BBS1: variants seen among roughly 807,000 people sequenced by gnomAD.
BBS1 encodes the protein BBSome complex member BBS1.
A neutral mutation model predicts 73.9 loss-of-function variants in BBS1; 60 were observed. The observed-to-expected ratio is 0.81, with a 90% confidence interval of 0.66 to 1.01. The LOEUF (loss-of-function observed/expected upper bound fraction) is 1.01. Among genes scored for constraint, BBS1 ranks in the 50% least tolerant of loss-of-function variants. The pLI is 0.00. For missense variants in BBS1, 718 were observed against 770.3 expected (o/e 0.93, Z 0.80); for synonymous variants, 283 against 317.4 (o/e 0.89, Z 1.15).
chr11:66,514,453 G>T lies in BBS1; in HGVS notation c.207G>T (p.Lys69Asn). ...LGPGGQQPRL[K>N]VLKGPLVMTE... Reference sequence around the variant, plus strand: ...CTGGTGGGCAGCAGCCCCGCCTGAAGGTGCTCAAAGGACCACTGGTGATGA... The same window carrying T: ...CTGGTGGGCAGCAGCCCCGCCTGAATGTGCTCAAAGGACCACTGGTGATGA... Residue 69 changes from lysine to asparagine, a missense_variant, in exon 4 of 17, where the codon AAG becomes AAT. By Grantham distance (94) the Lys-to-Asn change is moderately conservative. Coordinates refer to ENST00000318312, the MANE Select transcript of BBS1 (RefSeq NM_024649.5). 2 of 1,614,174 alleles carry T rather than the reference G, an allele frequency of 1.2e-6. No individual in the cohort carries two copies. The highest frequency in any genetic ancestry group is 2.2e-5 in the South Asian group (2 of 91,084).
intron 3 of BBS1, among the ~76,000 whole-genome samples, chr11:66,512,728 T>C (rs1855977906): frequency 6.6e-6 from 1 of 151,924 alleles, no homozygotes; most frequent in South Asian, 2.1e-4. Flanking sequence ...CCCAGCACTT[T>C]AGGAGGAGGC....
intron 11 of BBS1, 95 bp downstream of exon 11, chr11:66,523,977 C>A: frequency 1.3e-6 from 2 of 1,552,970 alleles, no homozygotes; most frequent in Non-Finnish European, 1.8e-6. Flanking sequence ...CACATTGATG[C>A]ATTTCAAAAA....
chr11:66,512,756 G>A (rs1374360370), intron 3 of BBS1, among the ~76,000 whole-genome samples: 2 of 151,992 alleles, frequency 1.3e-5, no homozygotes, highest in African/African-American at 4.8e-5. Context: ...GGTGGATCAC[G>A]AGGTCAGGAG....
At chr11:66,514,787 A>AG in intron 4 of BBS1, 109 bp downstream of exon 4, 4 of 1,307,930 alleles carry the variant, frequency 3.1e-6, no homozygotes, top group Non-Finnish European at 4.3e-6. Context: ...GAGGTCAGCT[A>AG]TAGTCCATCT....
rs1856807422 is a variant in BBS1 at position 66,532,038 on chromosome 11, G to A, written c.*1G>A. The stretch of plus-strand genomic sequence containing the variant: ...GAGCGAGGGGCTGGCGGCCGCCTGA[G>A]ACCTGAGCTGCTGTGAAAGCCCCTG... On this transcript the variant is annotated 3_prime_UTR_variant, in exon 17 of 17. Transcript: ENST00000318312. 1 of 1,601,082 alleles carries A rather than the reference G, an allele frequency of 6.2e-7. No individual in the cohort carries two copies. The highest frequency in any genetic ancestry group is 8.5e-7 in the Non-Finnish European group (1 of 1,174,836).
In BBS1 at chr11:66,526,764, G is replaced by A; in HGVS notation, c.1296G>A (p.Arg432=). Residue 432 remains arginine, a synonymous_variant, in exon 13 of 17, where the codon CGG becomes CGA. Coordinates refer to ENST00000318312, the MANE Select transcript of BBS1 (RefSeq NM_024649.5). ...AMKLNVPRKT[R]LYVDQTLRER... ...AACTCAATGTGCCCCGAAAGACCCG[G>A]CTTTACGTGGATCAGACACTGCGAG... The A allele has an allele frequency of 6.2e-7, 1 of 1,614,232 alleles. No individual in the cohort carries two copies. Among genetic ancestry groups the A allele is most frequent in the Non-Finnish European group, 8.5e-7 (1 of 1,180,032 alleles).
chr11:66,513,378 C>T (rs990167102), intron 3 of BBS1, among the ~76,000 whole-genome samples: 3 of 152,122 alleles, frequency 2.0e-5, no homozygotes, highest in Admixed American at 6.6e-5. Context: ...ATAACTACCA[C>T]ATAAAATAGT....
rs183925461 is a variant in BBS1, at chr11:66,521,316, T to A, written c.770T>A (p.Phe257Tyr). ...GTCTTCCTAGAGGTTTCTGGCCAGT[T>A]TGATGTTGAGTTCCGGCTTGCCGCG... ...VPVFLEVSGQ[F>Y]DVEFRLAAAC... The change falls in exon 9 of 17, where the codon TTT becomes TAT. Residue 257 changes from phenylalanine to tyrosine, a missense_variant. Coordinates refer to ENST00000318312, the MANE Select transcript of BBS1 (RefSeq NM_024649.5). 6.2e-7 allele frequency: 1 copy of A among 1,614,252 alleles called. No homozygotes were observed. Among genetic ancestry groups the A allele is most frequent in the African/African-American group, 1.3e-5 (1 of 75,076 alleles).
chr11:66,531,909 CA>C (rs1856800148), intron 16 of BBS1, 41 bp from the exon 17 acceptor site: 1 of 1,570,310 alleles, frequency 6.4e-7, no homozygotes, highest in South Asian at 1.2e-5. Flanking sequence ...GGCAAGGGGT[CA>C]GGGGTGTATG....
chr11:66,523,962 G>T (rs1856369431), intron 11 of BBS1, 80 bp downstream of exon 11: 1 of 1,575,366 alleles, frequency 6.3e-7, no homozygotes, highest in South Asian at 1.1e-5. Context: ...TGCCTCTTCC[G>T]ACCACACATT....
intron 9 of BBS1, 122 bp downstream of exon 9, chr11:66,521,498 T>G: frequency 1.3e-6 from 1 of 795,422 alleles, no homozygotes; most frequent in Non-Finnish European, 2.1e-6. Context: ...AGCTGAGAAC[T>G]TCATAAAGGA....
Position 66,514,408 on chromosome 11 carries a change from G to T in BBS1, c.162G>T (p.Leu54=). The stretch of plus-strand genomic sequence containing the variant: ...AATGAGCCATCCTCTCCCTGCAGCT[G>T]GTGGTAGGGGACCTTGGCCCTGGTG... The part of the protein sequence containing the change: ...ADLHGDGEYK[L]VVGDLGPGGQ... The change falls in exon 4 of 17, where the codon CTG becomes CTT. Residue 54 remains leucine (L), a splice_region_variant and synonymous_variant. Coordinates refer to ENST00000318312, the MANE Select transcript of BBS1 (RefSeq NM_024649.5). The T allele has an allele frequency of 6.2e-7, 1 of 1,614,106 alleles. No individual in the cohort carries two copies. Among genetic ancestry groups the T allele is most frequent in the Non-Finnish European group, 8.5e-7 (1 of 1,180,036 alleles).
At position 66,514,442 on chromosome 11, in the gene BBS1, C is replaced by A; in HGVS notation, c.196C>A (p.Pro66Thr). 2 of 1,614,166 alleles carry A rather than the reference C, an allele frequency of 1.2e-6. No homozygotes were observed. Among genetic ancestry groups the A allele is most frequent in the South Asian group, 2.2e-5 (2 of 91,078 alleles). Residue 66 changes from proline (P) to threonine (T), a missense_variant, in exon 4 of 17, where the codon CCC becomes ACC. Coordinates refer to ENST00000318312, the MANE Select transcript of BBS1 (RefSeq NM_024649.5). ...VGDLGPGGQQ[P>T]RLKVLKGPLV... is the part of the protein sequence containing the mutation. The stretch of plus-strand genomic sequence containing the variant: ...GGACCTTGGCCCTGGTGGGCAGCAG[C>A]CCCGCCTGAAGGTGCTCAAAGGACC...
intron 13 of BBS1, chr11:66,529,053 A>G: frequency 1.0e-6 from 1 of 983,424 alleles, no homozygotes; most frequent in Non-Finnish European, 1.2e-6. Context: ...GATTAAAAAT[A>G]AATTGTAAAA....
Position 66,521,388 on chromosome 11 carries a change from C to G in BBS1, c.830+12C>G. The G allele has an allele frequency of 6.2e-7, 1 of 1,608,316 alleles. No individual in the cohort carries two copies. The highest frequency in any genetic ancestry group is 1.3e-5 in the African/African-American group (1 of 74,944). On this transcript the variant is annotated intron_variant, in intron 9 of 16. Transcript: ENST00000318312. ...TATATTCTGAGAAGGTAGCCACATCCGTGGTCTCCGGGGCCGGGAGGAACA... is the reference window on the plus strand; with the variant it reads ...TATATTCTGAGAAGGTAGCCACATCGGTGGTCTCCGGGGCCGGGAGGAACA...
intron 1 of BBS1, 76 bp downstream of exon 1, chr11:66,510,782 C>T: frequency 1.9e-6 from 3 of 1,592,446 alleles, no homozygotes; most frequent in Non-Finnish European, 8.6e-7. Context: ...CTCTGGGCTC[C>T]TGCTGTTCTC....
At chr11:66,514,822 T>TC in intron 4 of BBS1, 144 bp downstream of exon 4, 8 of 894,716 alleles carry the variant, frequency 8.9e-6, no homozygotes, top group Non-Finnish European at 1.4e-5. Flanking sequence ...GATGGCACTT[T>TC]TTTTTTTTTT....
At position 66,523,718 on chromosome 11, in the gene BBS1, T is replaced by G. The variant is rs1425102626; in HGVS notation, c.952-6T>G. On this transcript the variant is annotated splice_polypyrimidine_tract_variant and splice_region_variant and intron_variant, in intron 10 of 16. Coordinates refer to ENST00000318312, the MANE Select transcript of BBS1 (RefSeq NM_024649.5). ...CCCTCCACAGACGCTGGCTGTTCCC[T>G]GCCAGGGGAAGAAGCTGTGGACAGT... is the stretch of plus-strand genomic sequence containing the variant. The G allele has an allele frequency of 1.9e-6, 3 of 1,610,852 alleles. No individual in the cohort carries two copies. In the East Asian group the frequency reaches 6.7e-5, roughly 36 times the overall value.
intron 14 of BBS1, among the ~76,000 whole-genome samples, chr11:66,530,208 C>T (rs1451107681): frequency 6.6e-6 from 1 of 152,124 alleles, no homozygotes; most frequent in African/African-American, 2.4e-5. Context: ...TCAGATAGGC[C>T]CCCAGAATAG....
Sources: gnomAD v4.1 joint callset for allele counts (sites outside exome capture counted in the v4.1 genomes callset) on GRCh38, gnomAD v4.1.1 for gene constraint, MANE v1.5 for transcripts, NCBI Gene and HGNC (gene_info 2026-07-23, HGNC 2026-07-21) for gene names.